Variants in DDR2 observed in about 807,000 individuals in gnomAD.
DDR2 encodes discoidin domain receptor tyrosine kinase 2.
DDR2 carries 27 observed loss-of-function variants against 94.9 expected under a neutral mutation model. The ratio of observed to expected loss-of-function variants is 0.28; its 90% CI spans 0.21 to 0.39. The LOEUF (loss-of-function observed/expected upper bound fraction) is 0.39, where lower values mean the gene tolerates loss of function less well. Ranked by LOEUF, DDR2 falls within the 10% of genes least tolerant of loss-of-function variation. The probability of loss-of-function intolerance (pLI) is 1.00; values close to 1 mark genes in which losing one functional copy is unlikely to be tolerated. For synonymous variants in DDR2, 382 were observed against 377.2 expected (o/e 1.01, Z -0.15); for missense variants, 783 against 1,076.0 (o/e 0.73, Z 3.81).
intron 4 of DDR2, among the ~76,000 whole-genome samples, 186 bp from the exon 5 acceptor site, chr1:162,754,438 C>G (rs1255688142): frequency 6.6e-6 from 1 of 152,134 alleles, no homozygotes; most frequent in Non-Finnish European, 1.5e-5. Flanking sequence ...CATGGTACTC[C>G]AGGGAAAGGG....
intron 3 of DDR2, among the ~76,000 whole-genome samples, chr1:162,746,032 C>G (rs914137792): frequency 6.6e-5 from 10 of 152,142 alleles, no homozygotes; most frequent in Non-Finnish European, 1.2e-4. Flanking sequence ...AGGAACAGCT[C>G]CAGTCTACAG....
intron 10 of DDR2, among the ~76,000 whole-genome samples, chr1:162,766,555 G>T (rs1197516465): frequency 6.6e-6 from 1 of 152,194 alleles, no homozygotes; most frequent in Non-Finnish European, 1.5e-5. Flanking sequence ...CTCAAAGAAT[G>T]CAGAGAGTGA....
At chr1:162,642,182 C>A (rs967163400) in intron 1 of DDR2, among the ~76,000 whole-genome samples, 1 of 152,054 alleles carries the variant, frequency 6.6e-6, no homozygotes, top group Non-Finnish European at 1.5e-5. Context: ...GTCTTGAACT[C>A]CTGACCTCAG....
At chr1:162,703,917 C>A (rs553743859) in intron 2 of DDR2, among the ~76,000 whole-genome samples, 2 of 152,168 alleles carry the variant, frequency 1.3e-5, no homozygotes, top group Non-Finnish European at 2.9e-5. Context: ...ACATCATACG[C>A]CATTGGCTCC....
intron 3 of DDR2, among the ~76,000 whole-genome samples, chr1:162,742,302 A>T (rs1465245148): frequency 6.6e-6 from 1 of 152,234 alleles, no homozygotes; most frequent in African/African-American, 2.4e-5. Context: ...TGGTCAATTT[A>T]TAAGAAAAGA....
At chr1:162,658,575 T>C (rs913586044) in intron 2 of DDR2, among the ~76,000 whole-genome samples, 1 of 147,378 alleles carries the variant, frequency 6.8e-6, no homozygotes, top group Non-Finnish European at 1.5e-5. Context: ...ACGTCTGTAG[T>C]CCCAGCACTT....
intron 3 of DDR2, among the ~76,000 whole-genome samples, chr1:162,736,097 C>G (rs965582878): frequency 2.0e-5 from 3 of 152,196 alleles, no homozygotes; most frequent in African/African-American, 7.2e-5. Context: ...AGCAGTGGCT[C>G]CAGAGCCTGG....
chr1:162,675,476 G>A (rs1659083405), intron 2 of DDR2, among the ~76,000 whole-genome samples: 1 of 152,202 alleles, frequency 6.6e-6, no homozygotes. Flanking sequence ...AGGTGAGCAA[G>A]GGCCTGTAGC....
intron 3 of DDR2, chr1:162,741,502 A>T: frequency 2.6e-6 from 2 of 777,338 alleles, no homozygotes; most frequent in Non-Finnish European, 3.1e-6. Context: ...TGCCAACTAC[A>T]TAGGGTTATT....
chr1:162,640,208 A>T lies in DDR2; in HGVS notation c.-192+7577A>T, dbSNP rs984396339. Among the ~76,000 whole-genome samples the T allele has an allele frequency of 7.9e-5, 12 of 151,698 alleles. 1 individual carries two copies. The highest frequency in any genetic ancestry group is 2.9e-4 in the African/African-American group (12 of 41,248). On this transcript the variant is annotated intron_variant, in intron 1 of 17. Transcript: ENST00000367921. ...AGGCGTGTGCTATCACGCCCAACTA[A>T]TTTTTGTATTTTTAGTACAGACAGG...
chr1:162,691,443 A>T (rs1310429563), intron 2 of DDR2, among the ~76,000 whole-genome samples: 1 of 152,236 alleles, frequency 6.6e-6, no homozygotes, highest in East Asian at 1.9e-4. Context: ...AGCAGAGAGC[A>T]GGATTCTCAT....
chr1:162,757,142 A>C (rs528999674), intron 7 of DDR2, among the ~76,000 whole-genome samples: 213 of 152,358 alleles, frequency 1.4e-3, no homozygotes, highest in Middle Eastern at 3.4e-3. Flanking sequence ...ATGGGGATGA[A>C]AACATCTGGA....
chr1:162,719,582 T>C (rs1234760486), intron 3 of DDR2, among the ~76,000 whole-genome samples: 3 of 152,210 alleles, frequency 2.0e-5, no homozygotes, highest in Non-Finnish European at 4.4e-5. Flanking sequence ...CTGTGGGATC[T>C]CAGGCAGGTT....
At chr1:162,737,520 G>C (rs1571265979) in intron 3 of DDR2, among the ~76,000 whole-genome samples, 1 of 133,952 alleles carries the variant, frequency 7.5e-6, no homozygotes, top group East Asian at 2.1e-4. Flanking sequence ...AGTATTCCAT[G>C]GTGTATATGT....
chr1:162,640,905 G>A (rs866746762), intron 1 of DDR2, among the ~76,000 whole-genome samples: 9 of 151,434 alleles, frequency 5.9e-5, no homozygotes, highest in Non-Finnish European at 1.0e-4. Flanking sequence ...CTATATGTGC[G>A]TACTACCACA....
At chr1:162,766,802 G>A (rs548266762) in intron 10 of DDR2, among the ~76,000 whole-genome samples, 16 of 152,288 alleles carry the variant, frequency 1.1e-4, no homozygotes, top group South Asian at 1.0e-3. Flanking sequence ...GGGAGGCAGA[G>A]GCAGGCAGAT....
intron 1 of DDR2, among the ~76,000 whole-genome samples, chr1:162,649,383 T>C (rs1657570016): frequency 6.6e-6 from 1 of 152,148 alleles, no homozygotes; most frequent in Admixed American, 6.5e-5. Flanking sequence ...GTTTGTCTCT[T>C]GCACTAGAGG....
chr1:162,737,111 T>C (rs2102072784), intron 3 of DDR2, among the ~76,000 whole-genome samples: 1 of 151,142 alleles, frequency 6.6e-6, no homozygotes, highest in Non-Finnish European at 1.5e-5. Flanking sequence ...TTTTTTCGTT[T>C]CTTTTTTTTT....
At chr1:162,678,438 G>A (rs1211292006) in intron 2 of DDR2, among the ~76,000 whole-genome samples, 1 of 152,232 alleles carries the variant, frequency 6.6e-6, no homozygotes, top group Non-Finnish European at 1.5e-5. Flanking sequence ...CCTACCTGAT[G>A]TGTCTATCTC....
Sources: allele counts gnomAD v4.1 joint callset (sites outside exome capture counted in the v4.1 genomes callset), GRCh38; gene constraint gnomAD v4.1.1; transcripts MANE v1.5; gene names NCBI Gene and HGNC (gene_info 2026-07-23, HGNC 2026-07-21).